The following APBA2 variants were observed in gnomAD, a reference collection of about 807,000 sequenced individuals.
APBA2 encodes amyloid beta precursor protein binding family A member 2, also known as amyloid-beta A4 precursor protein-binding family A member 2.
APBA2 carries 30 observed loss-of-function variants against 75.0 expected under a neutral mutation model. The observed-to-expected ratio is 0.40, with a 90% CI of 0.30 to 0.54. APBA2 has a LOEUF of 0.54. Among genes scored for constraint, APBA2 ranks in the 20% least tolerant of loss-of-function variants. The pLI is 0.49. For synonymous variants in APBA2, 444 were observed against 409.6 expected (o/e 1.08, Z -1.01); for missense variants, 801 against 1,016.1 (o/e 0.79, Z 2.88).
At chr15:28,916,440 G>C (rs2033694445) in intron 1 of APBA2, among the ~76,000 whole-genome samples, 1 of 152,200 alleles carries the variant, frequency 6.6e-6, no homozygotes, top group African/African-American at 2.4e-5. Context: ...GCATTTTGGT[G>C]AAACACTCAA....
At position 29,074,930 on chromosome 15, in the gene APBA2, G is replaced by A. The variant is rs2152924733; in HGVS notation, c.961G>A (p.Gly321Ser). ...LKWPHEQVCNGLEQPRKQQRS... is the reference protein window; with the variant it reads ...LKWPHEQVCNSLEQPRKQQRS... ...ACTTCCCCGTTTCCAGGTTTGCAAT[G>A]GTCTGGAGCAGCCAAGGAAGCAGCA... is the stretch of plus-strand genomic sequence containing the variant. Residue 321 changes from glycine (G) to serine (S), a missense_variant, in exon 5 of 15, where the codon GGT becomes AGT. Physicochemically the swap from Gly to Ser is moderately conservative, Grantham distance 56. Around this residue, in one of 2 missense-constraint regions of APBA2, gnomAD observed 434 missense variants for 471.6 expected, o/e 0.92. Coordinates refer to ENST00000683413, the MANE Select transcript of APBA2 (RefSeq NM_001353788.2). 6.2e-7 allele frequency: 1 copy of A among 1,614,086 alleles called. No individual in the cohort carries two copies. The highest frequency in any genetic ancestry group is 1.1e-5 in the South Asian group (1 of 91,062).
In APBA2 at chr15:28,942,939, C is replaced by T. The variant is rs2035319471; in HGVS notation, c.-95+21190C>T. ...GCTCCTTCCTGGGCCTCGGTTTCCT[C>T]GTTCTCAGGGGGGGCTTCTGCCAGA... On this transcript the variant is annotated intron_variant, in intron 2 of 14. Coordinates refer to ENST00000683413, the MANE Select transcript of APBA2 (RefSeq NM_001353788.2). 2.6e-5 allele frequency among the ~76,000 whole-genome samples: 4 copies of T among 152,344 alleles called. No individual in the cohort carries two copies. In the South Asian group the frequency reaches 6.2e-4, roughly 24 times the overall value.
chr15:29,041,029 GA>G (rs990007068), intron 3 of APBA2, among the ~76,000 whole-genome samples: 25 of 134,658 alleles, frequency 1.9e-4, no homozygotes, highest in African/African-American at 3.5e-4. Flanking sequence ...AGGGCAATAT[GA>G]AAAAAAAAAG....
At chr15:28,888,987 C>T (rs2152600994) in intron 1 of APBA2, among the ~76,000 whole-genome samples, 1 of 152,100 alleles carries the variant, frequency 6.6e-6, no homozygotes, top group African/African-American at 2.4e-5. Context: ...GAGGGTTGCT[C>T]ACCAGGAGGC....
intron 1 of APBA2, among the ~76,000 whole-genome samples, chr15:28,905,438 G>A (rs1408783384): frequency 6.6e-6 from 1 of 152,192 alleles, no homozygotes; most frequent in Non-Finnish European, 1.5e-5. Context: ...TGTCTATTTT[G>A]TTTCATTCTC....
chr15:28,967,131 T>G (rs1419887218), intron 2 of APBA2, among the ~76,000 whole-genome samples: 3 of 152,242 alleles, frequency 2.0e-5, no homozygotes, highest in Non-Finnish European at 4.4e-5. Flanking sequence ...ATTCTTTAGC[T>G]TCTCTTCTCC....
chr15:29,089,749 G>T (rs2043466557), intron 6 of APBA2, among the ~76,000 whole-genome samples: 1 of 152,150 alleles, frequency 6.6e-6, no homozygotes, highest in African/African-American at 2.4e-5. Flanking sequence ...TTCTTCTCCA[G>T]ACTGTGCAGA....
intron 6 of APBA2, among the ~76,000 whole-genome samples, chr15:29,077,278 T>C (rs1197909368): frequency 6.6e-6 from 1 of 152,186 alleles, no homozygotes; most frequent in Non-Finnish European, 1.5e-5. Flanking sequence ...TCCTGGTTTA[T>C]AGGAGCTGGC....
chr15:28,991,769 C>A lies in APBA2; in HGVS notation c.-94-3984C>A, dbSNP rs939164586. On this transcript the variant is annotated intron_variant, in intron 2 of 14. Coordinates refer to ENST00000683413, the MANE Select transcript of APBA2 (RefSeq NM_001353788.2). The surrounding 1 kb of genome is among the most constrained non-coding windows in gnomAD (Gnocchi z 4.7). Reference sequence around the variant, plus strand: ...AGACCCCTTCCAACCCATCCCAGGGCCTCTGCTCAGTGTGGCCAGAGCCTC... The same window carrying A: ...AGACCCCTTCCAACCCATCCCAGGGACTCTGCTCAGTGTGGCCAGAGCCTC... 1.3e-5 allele frequency among the ~76,000 whole-genome samples: 2 copies of A among 152,220 alleles called. No individual in the cohort carries two copies. The highest frequency in any genetic ancestry group is 2.9e-5 in the Non-Finnish European group (2 of 68,046).
chr15:28,941,462 G>A (rs983648549), intron 2 of APBA2, among the ~76,000 whole-genome samples: 6 of 144,402 alleles, frequency 4.2e-5, no homozygotes, highest in African/African-American at 1.6e-4. Context: ...CATGGGAAAT[G>A]CTGTGTGACC....
At chr15:29,059,213 A>ATGTG (rs1491174672) in intron 4 of APBA2, among the ~76,000 whole-genome samples, 1 of 150,914 alleles carries the variant, frequency 6.6e-6, no homozygotes, top group African/African-American at 2.5e-5. Context: ...ATTTTTGTTG[A>ATGTG]TATGTGTGTG....
At chr15:29,073,018 G>A (rs1183069810) in intron 4 of APBA2, among the ~76,000 whole-genome samples, 1 of 152,198 alleles carries the variant, frequency 6.6e-6, no homozygotes, top group Non-Finnish European at 1.5e-5. Context: ...AAATCCGGTG[G>A]TGTCTGTGAT....
intron 1 of APBA2, among the ~76,000 whole-genome samples, chr15:28,903,234 AC>A (rs2032961325): frequency 6.6e-6 from 1 of 152,188 alleles, no homozygotes; most frequent in Non-Finnish European, 1.5e-5. Flanking sequence ...CCCTGGGCTC[AC>A]TTATAGTCAG....
At chr15:28,900,885 T>A (rs980890830) in intron 1 of APBA2, among the ~76,000 whole-genome samples, 2 of 152,186 alleles carry the variant, frequency 1.3e-5, no homozygotes, top group African/African-American at 4.8e-5. Context: ...AATTGTATAT[T>A]TACAACTTAC....
At position 29,094,333 on chromosome 15, in the gene APBA2, C is replaced by G; in HGVS notation, c.1251+20C>G. 4 of 1,612,970 alleles carry G rather than the reference C, an allele frequency of 2.5e-6. No homozygotes were observed. The highest frequency in any genetic ancestry group is 3.4e-6 in the Non-Finnish European group (4 of 1,179,170). On this transcript the variant is annotated intron_variant, in intron 8 of 14. Transcript: ENST00000683413. ...AAAGCGGTGTGTAGGGCCTTGAGGC[C>G]CTGGGACAGTGTTGTTTGCTTGTGT...
At chr15:29,045,547 C>T (rs1216944079) in intron 3 of APBA2, among the ~76,000 whole-genome samples, 2 of 152,088 alleles carry the variant, frequency 1.3e-5, no homozygotes, top group Non-Finnish European at 1.5e-5. Context: ...CTGTAGTGGT[C>T]AGATGATATC....
intron 2 of APBA2, among the ~76,000 whole-genome samples, chr15:28,960,505 C>T (rs1243621166): frequency 6.6e-6 from 1 of 151,682 alleles, no homozygotes; most frequent in Non-Finnish European, 1.5e-5. Context: ...TAATCATAAT[C>T]ATATGACATC....
chr15:28,985,336 C>G (rs2037863407), intron 2 of APBA2, among the ~76,000 whole-genome samples: 1 of 152,186 alleles, frequency 6.6e-6, no homozygotes. Flanking sequence ...CACTTTTTGT[C>G]TACCAGCCAG....
intron 2 of APBA2, among the ~76,000 whole-genome samples, chr15:28,936,086 T>A: frequency 6.6e-6 from 1 of 152,202 alleles, no homozygotes; most frequent in Non-Finnish European, 1.5e-5. Context: ...GGTTTTCCAA[T>A]CTAGTAGAAA....
Sources: allele counts gnomAD v4.1 joint callset (sites outside exome capture counted in the v4.1 genomes callset), GRCh38; gene constraint gnomAD v4.1.1; regional missense constraint gnomAD v4.1.1; non-coding constraint Gnocchi (gnomAD v3.1); transcripts MANE v1.5; gene names NCBI Gene and HGNC (gene_info 2026-07-23, HGNC 2026-07-21).